MAPK9: variants seen among roughly 807,000 people sequenced by gnomAD.
The protein encoded by MAPK9 is Jun kinase.
MAPK9 carries 30 observed loss-of-function variants against 57.1 expected under a neutral mutation model. The observed-to-expected ratio is 0.53, with a 90% CI of 0.39 to 0.71. The LOEUF (loss-of-function observed/expected upper bound fraction) is 0.71, where lower values mean the gene tolerates loss of function less well. Ranked by LOEUF, MAPK9 falls within the 30% of genes least tolerant of loss-of-function variation. The pLI is 0.00. For synonymous variants in MAPK9, 155 were observed against 177.0 expected (o/e 0.88, Z 0.99); for missense variants, 362 against 521.0 (o/e 0.69, Z 2.97).
At chr5:180,252,410 G>A (rs1047476346) in intron 5 of MAPK9, among the ~76,000 whole-genome samples, 1 of 152,138 alleles carries the variant, frequency 6.6e-6, no homozygotes, top group African/African-American at 2.4e-5. Context: ...CAGAATCCAT[G>A]CAGCTTCTTC....
At chr5:180,259,343 T>C (rs1168809065) in intron 5 of MAPK9, among the ~76,000 whole-genome samples, 1 of 151,172 alleles carries the variant, frequency 6.6e-6, no homozygotes, top group African/African-American at 2.4e-5. Context: ...TACGTAAACA[T>C]GAAAGAACTC....
chr5:180,267,277 C>A (rs955708324), intron 3 of MAPK9, among the ~76,000 whole-genome samples: 1 of 151,822 alleles, frequency 6.6e-6, no homozygotes, highest in Non-Finnish European at 1.5e-5. Context: ...GTAAGTAAAA[C>A]AAGTCCGGGT....
chr5:180,269,792 GTATAT>G (rs1325366131), intron 2 of MAPK9, among the ~76,000 whole-genome samples: 2 of 152,218 alleles, frequency 1.3e-5, no homozygotes, highest in Non-Finnish European at 2.9e-5. Context: ...CTTAAAATGT[GTATAT>G]TTTGGAATAT....
chr5:180,288,031 T>C (rs1300395380), intron 1 of MAPK9, among the ~76,000 whole-genome samples: 2 of 152,170 alleles, frequency 1.3e-5, no homozygotes, highest in Non-Finnish European at 2.9e-5. Context: ...CTGGGTGATG[T>C]GCAGCAAGCG....
intron 4 of MAPK9, among the ~76,000 whole-genome samples, chr5:180,262,780 A>T (rs987522600): frequency 6.6e-6 from 1 of 152,104 alleles, no homozygotes; most frequent in African/African-American, 2.4e-5. Flanking sequence ...AGGTTTGTGC[A>T]GCCACCATTC....
chr5:180,289,766 C>G (rs1201626373), intron 1 of MAPK9, among the ~76,000 whole-genome samples: 2 of 152,106 alleles, frequency 1.3e-5, no homozygotes, highest in Non-Finnish European at 2.9e-5. Flanking sequence ...TGCAACCAAG[C>G]TGAATGAATC....
intron 1 of MAPK9, among the ~76,000 whole-genome samples, chr5:180,280,974 C>T (rs1762268868): frequency 6.6e-6 from 1 of 152,144 alleles, no homozygotes; most frequent in Non-Finnish European, 1.5e-5. Context: ...TTCATTTACA[C>T]CTAGCTGTCT....
intron 4 of MAPK9, among the ~76,000 whole-genome samples, chr5:180,263,932 C>T (rs575552172): frequency 6.9e-4 from 105 of 152,238 alleles, no homozygotes; most frequent in African/African-American, 2.5e-3. Flanking sequence ...GTCTCGATCT[C>T]CTGACCTCGT....
intron 11 of MAPK9, chr5:180,237,292 A>C (rs1757247412): frequency 6.6e-6 from 1 of 152,226 alleles, no homozygotes; most frequent in Admixed American, 6.5e-5. Flanking sequence ...CAAGAATAAA[A>C]AGTAAGCTGT....
chr5:180,265,165 A>T (rs1351751204), intron 3 of MAPK9, among the ~76,000 whole-genome samples: 10 of 152,218 alleles, frequency 6.6e-5, no homozygotes. Context: ...TGAAAACTTA[A>T]ATACTACGCA....
chr5:180,235,791 T>C lies in MAPK9; in HGVS notation c.*593A>G, dbSNP rs1757130379. The C allele has an allele frequency of 1.3e-5, 2 of 152,208 alleles. No homozygotes were observed. The highest frequency in any genetic ancestry group is 1.3e-4 in the Admixed American group (2 of 15,288). 9.4% of individuals were successfully genotyped at this position (152,208 alleles called of 1,614,324 possible). On this transcript the variant is annotated 3_prime_UTR_variant, in exon 12 of 12. Coordinates refer to ENST00000452135, the MANE Select transcript of MAPK9 (RefSeq NM_002752.5). The stretch of plus-strand genomic sequence containing the variant: ...AACATCACAAATCTAAGAAAAGCTA[T>C]ATATTTTTATTTATTAAATAGATTT...
chr5:180,250,176 G>A (rs761661729), intron 5 of MAPK9, among the ~76,000 whole-genome samples: 9 of 152,110 alleles, frequency 5.9e-5, no homozygotes, highest in Non-Finnish European at 1.3e-4. Context: ...TCAGAAGCAC[G>A]CCTGGCGCGA....
chr5:180,259,029 G>C (rs1759616487), intron 5 of MAPK9, among the ~76,000 whole-genome samples: 1 of 120,806 alleles, frequency 8.3e-6, no homozygotes, highest in African/African-American at 3.4e-5. Context: ...GCAAGACTCT[G>C]TTTCAAAAAA....
intron 2 of MAPK9, 72 bp downstream of exon 2, chr5:180,280,368 T>C: frequency 1.3e-6 from 2 of 1,554,334 alleles, no homozygotes. Flanking sequence ...TGTTTCTAAA[T>C]CCTGACACTT....
intron 5 of MAPK9, chr5:180,258,447 T>C (rs1219140267): frequency 1.3e-5 from 2 of 152,652 alleles, no homozygotes; most frequent in Non-Finnish European, 2.9e-5. Context: ...TTCAGAAACA[T>C]AAAAGAAATA....
At chr5:180,269,201 T>C (rs1761013998) in intron 3 of MAPK9, 79 bp downstream of exon 3, 8 of 1,425,672 alleles carry the variant, frequency 5.6e-6, no homozygotes, top group Admixed American at 3.6e-5. Context: ...CTGAACTCAA[T>C]GTATCTCCAG....
intron 2 of MAPK9, among the ~76,000 whole-genome samples, chr5:180,279,500 T>C (rs1416385048): frequency 1.3e-5 from 2 of 152,048 alleles, no homozygotes; most frequent in Non-Finnish European, 1.5e-5. Context: ...AAGGATCAGT[T>C]AAAAATCATC....
chr5:180,280,675 T>G, intron 1 of MAPK9, 67 bp from the exon 2 acceptor site: 1 of 1,277,642 alleles, frequency 7.8e-7, no homozygotes, highest in South Asian at 1.6e-5. Context: ...CGTAAGAGAG[T>G]TCTGAACTTA....
intron 1 of MAPK9, among the ~76,000 whole-genome samples, chr5:180,283,468 C>T (rs753294419): frequency 6.6e-6 from 1 of 152,218 alleles, no homozygotes; most frequent in Non-Finnish European, 1.5e-5. Flanking sequence ...TTCAGGACCC[C>T]GTGTCCACGT....
Sources: gnomAD v4.1 joint callset for allele counts (sites outside exome capture counted in the v4.1 genomes callset) on GRCh38, gnomAD v4.1.1 for gene constraint, MANE v1.5 for transcripts, NCBI Gene and HGNC (gene_info 2026-07-23, HGNC 2026-07-21) for gene names.